SLC6A13: variants seen among roughly 807,000 people sequenced by gnomAD.
SLC6A13 encodes the protein sodium- and chloride-dependent GABA transporter 2.
SLC6A13 carries 69 observed loss-of-function variants against 72.9 expected under a neutral mutation model. That is an observed-to-expected ratio of 0.95 (90% confidence interval 0.78 to 1.16). The LOEUF (loss-of-function observed/expected upper bound fraction) is 1.16, where lower values mean the gene tolerates loss of function less well. SLC6A13 is among the 50% of genes most tolerant of loss of function. The pLI, the probability that SLC6A13 is intolerant of heterozygous loss-of-function variation, is 0.00. For synonymous variants in SLC6A13, 303 were observed against 303.0 expected (o/e 1.00, Z 0.00); for missense variants, 735 against 760.5 (o/e 0.97, Z 0.39).
At chr12:251,089 G>A (rs1942527616) in intron 2 of SLC6A13, among the ~76,000 whole-genome samples, 1 of 151,286 alleles carries the variant, frequency 6.6e-6, no homozygotes, top group Non-Finnish European at 1.5e-5. Context: ...CCGGGAGGCG[G>A]AGCTTGCAAT....
chr12:222,816 A>G (rs1365114427), intron 12 of SLC6A13, among the ~76,000 whole-genome samples, 184 bp from the exon 13 acceptor site: 2 of 152,158 alleles, frequency 1.3e-5, no homozygotes, highest in African/African-American at 4.8e-5. Context: ...AAACAGCAGC[A>G]AGCAGGACTT....
intron 2 of SLC6A13, among the ~76,000 whole-genome samples, chr12:248,541 T>C (rs1942434544): frequency 6.6e-6 from 1 of 152,042 alleles, no homozygotes; most frequent in Non-Finnish European, 1.5e-5. Context: ...TTCATAATGA[T>C]TAAAGGGTCA....
At chr12:257,731 C>T (rs1467032523) in intron 2 of SLC6A13, among the ~76,000 whole-genome samples, 1 of 152,176 alleles carries the variant, frequency 6.6e-6, no homozygotes, top group African/African-American at 2.4e-5. Flanking sequence ...CCAAACATTG[C>T]CAGACAAAGG....
chr12:257,533 C>T (rs914986408), intron 2 of SLC6A13, among the ~76,000 whole-genome samples: 1 of 152,132 alleles, frequency 6.6e-6, no homozygotes, highest in African/African-American at 2.4e-5. Flanking sequence ...GGACTCTCCA[C>T]CAGAATCAGA....
chr12:240,648 G>C (rs577534213), intron 4 of SLC6A13, among the ~76,000 whole-genome samples: 136 of 152,362 alleles, frequency 8.9e-4, no homozygotes, highest in Non-Finnish European at 1.3e-3. Context: ...ATGACTAGTG[G>C]GAAAACCAAA....
intron 2 of SLC6A13, among the ~76,000 whole-genome samples, chr12:249,995 G>C: frequency 6.6e-6 from 1 of 151,980 alleles, no homozygotes; most frequent in Admixed American, 6.6e-5. Flanking sequence ...ATAATAAATG[G>C]ATAAATAAAT....
At chr12:221,193 G>A in intron 14 of SLC6A13, 123 bp from the exon 15 acceptor site, 1 of 1,369,324 alleles carries the variant, frequency 7.3e-7, no homozygotes, top group Admixed American at 2.6e-5. Flanking sequence ...CACAGCCCCT[G>A]TCTGGGAGTC....
In SLC6A13 at chr12:221,159, C is replaced by T. The variant is rs1448155122; in HGVS notation, c.1687-89G>A. The stretch of plus-strand genomic sequence containing the variant: ...ATCACCAACATCTGCTGCCTCCCCA[C>T]ACACAAACCTGCCCTCCTGTCATCA... On this transcript the variant is annotated intron_variant, in intron 14 of 14. Transcript: ENST00000343164. 11 of 1,478,234 alleles carry T rather than the reference C, an allele frequency of 7.4e-6. No homozygotes were observed. In the Admixed American group the frequency reaches 2.5e-4, roughly 33 times the overall value. The allele number at this position is 1,478,234 out of a possible 1,614,324, so 91.6% of individuals were successfully genotyped here. A position where few individuals can be genotyped will look rare whatever the true frequency, so the allele number is the denominator to read the frequency against.
Position 225,543 on chromosome 12 carries a change from G to A in SLC6A13, c.1060+847C>T, listed in dbSNP as rs559493470. Among the ~76,000 whole-genome samples the A allele has an allele frequency of 2.6e-5, 4 of 152,206 alleles. No individual in the cohort carries two copies. In the South Asian group the frequency reaches 6.2e-4, roughly 24 times the overall value. On this transcript the variant is annotated intron_variant, in intron 9 of 14. Coordinates refer to ENST00000343164, the MANE Select transcript of SLC6A13 (RefSeq NM_016615.5). Reference sequence around the variant, plus strand: ...CACATGCCTGTAATCTCAGCTACTCGGGAAGCTGAGGCATGAGAATCACTT... The same window carrying A: ...CACATGCCTGTAATCTCAGCTACTCAGGAAGCTGAGGCATGAGAATCACTT...
intron 4 of SLC6A13, among the ~76,000 whole-genome samples, chr12:239,187 C>A (rs868297882): frequency 2.0e-5 from 2 of 101,202 alleles, no homozygotes; most frequent in Non-Finnish European, 4.9e-5. Context: ...CAGCCACGTG[C>A]TCTACCACGT....
chr12:259,781 C>T (rs781339998), intron 2 of SLC6A13, 70 bp downstream of exon 2: 35 of 1,614,002 alleles, frequency 2.2e-5, no homozygotes, highest in African/African-American at 1.1e-4. Flanking sequence ...CCAGAGGGGC[C>T]GTAAGTGCAG....
intron 8 of SLC6A13, 25 bp downstream of exon 8, chr12:227,540 G>A (rs372403487): frequency 4.0e-5 from 64 of 1,612,900 alleles, no homozygotes; most frequent in Middle Eastern, 1.8e-4. Flanking sequence ...CAGGTGTGTG[G>A]CTCAGGCCCC....
rs145016099 is a variant in SLC6A13, at chr12:220,854, G to A, written c.*94C>T. The stretch of plus-strand genomic sequence containing the variant: ...CCTCTTGTCTTATCCACTCCAGGTC[G>A]GGGGCAGGGAAGCACATGGGGCTGC... On this transcript the variant is annotated 3_prime_UTR_variant, in exon 15 of 15. Transcript: ENST00000343164. 9.3e-5 allele frequency: 140 copies of A among 1,503,398 alleles called. No individual in the cohort carries two copies. In the African/African-American group the frequency reaches 1.3e-3, roughly 14 times the overall value. 93.1% of individuals were successfully genotyped at this position (1,503,398 alleles called of 1,614,324 possible).
At chr12:231,963 C>A (rs1477826171) in intron 7 of SLC6A13, among the ~76,000 whole-genome samples, 1 of 152,224 alleles carries the variant, frequency 6.6e-6, no homozygotes, top group African/African-American at 2.4e-5. Context: ...GATTCGTCAT[C>A]ATTCAGACCC....
At chr12:245,887 G>C (rs781233894) in intron 2 of SLC6A13, among the ~76,000 whole-genome samples, 7 of 151,998 alleles carry the variant, frequency 4.6e-5, no homozygotes, top group Non-Finnish European at 8.8e-5. Flanking sequence ...GGAGGCTGAG[G>C]CAGGTGGATC....
Position 224,097 on chromosome 12 carries a change from C to A in SLC6A13, c.1206G>T (p.Leu402=). 1 of 1,614,188 alleles carries A rather than the reference C, an allele frequency of 6.2e-7. No individual in the cohort carries two copies. The highest frequency in any genetic ancestry group is 8.5e-7 in the Non-Finnish European group (1 of 1,180,020). ...FVCVESLVTA[L]VDMYPHVFRK... Reference sequence around the variant, plus strand: ...GGAACACGTGAGGGTACATGTCCACCAGCGCTGTCACCAGGCTTTCTACAC... The same window carrying A: ...GGAACACGTGAGGGTACATGTCCACAAGCGCTGTCACCAGGCTTTCTACAC... Residue 402 remains leucine (L), a synonymous_variant, in exon 11 of 15, where the codon CTG becomes CTT. Transcript: ENST00000343164.
At chr12:231,072 C>T (rs1941688826) in intron 7 of SLC6A13, among the ~76,000 whole-genome samples, 1 of 152,222 alleles carries the variant, frequency 6.6e-6, no homozygotes, top group Admixed American at 6.5e-5. Flanking sequence ...TCCTCCCATC[C>T]CCCGCCCTCA....
In SLC6A13 at chr12:259,974, C is replaced by T; in HGVS notation, c.79G>A (p.Asp27Asn). The T allele has an allele frequency of 3.1e-6, 5 of 1,614,252 alleles. No individual in the cohort carries two copies. The highest frequency in any genetic ancestry group is 4.2e-6 in the Non-Finnish European group (5 of 1,180,040). The change falls in exon 2 of 15, where the codon GAT becomes AAT. Residue 27 changes from aspartate to asparagine, a missense_variant. Asp to Asn is a conservative substitution (Grantham distance 23, BLOSUM62 1). Transcript: ENST00000343164. ...VYPVMEKKEE[D>N]GTLERGHWNN... ...CAGTGCCCCCGCTCCAGGGTGCCAT[C>T]TTCCTCCTTCTTTTCCATGACTGGA...
At chr12:240,699 G>T (rs531716422) in intron 4 of SLC6A13, among the ~76,000 whole-genome samples, 2 of 152,368 alleles carry the variant, frequency 1.3e-5, no homozygotes, top group Non-Finnish European at 2.9e-5. Context: ...CAGGAGCAGG[G>T]CCGGGGCCGG....
Sources: gnomAD v4.1 joint callset for allele counts (sites outside exome capture counted in the v4.1 genomes callset) on GRCh38, gnomAD v4.1.1 for gene constraint, MANE v1.5 for transcripts, NCBI Gene and HGNC (gene_info 2026-07-23, HGNC 2026-07-21) for gene names.